NTM: variants seen among roughly 807,000 people sequenced by gnomAD.
NTM encodes the protein IgLON family member 2.
NTM carries 13 observed loss-of-function variants against 42.1 expected under a neutral mutation model. That is an observed-to-expected ratio of 0.31 (90% confidence interval 0.20 to 0.49). The LOEUF is 0.49. NTM is among the 20% of genes least tolerant of loss of function. NTM has a pLI of 0.99. For synonymous variants in NTM, 187 were observed against 179.2 expected (o/e 1.04, Z -0.35); for missense variants, 373 against 452.8 (o/e 0.82, Z 1.60).
At chr11:131,922,554 A>T (rs1278701597) in intron 2 of NTM, among the ~76,000 whole-genome samples, 1 of 152,126 alleles carries the variant, frequency 6.6e-6, no homozygotes, top group Non-Finnish European at 1.5e-5. Context: ...TGCTTCATCT[A>T]ATTCACCACT....
rs71870444 is a variant in NTM at position 132,268,657 on chromosome 11, CCTCTCTCT to C, written c.527-39025_527-39018del. Among the ~76,000 whole-genome samples, 675 of 134,906 alleles carry C rather than the reference CCTCTCTCT, an allele frequency of 5.0e-3. 5 individuals carry two copies. Among genetic ancestry groups the C allele is most frequent in the Middle Eastern group, 0.025 (7 of 280 alleles). The allele number at this position is 134,906 out of a possible 152,430, so 88.5% of individuals were successfully genotyped here. On this transcript the variant is annotated intron_variant, in intron 4 of 8. Coordinates refer to ENST00000683400, the MANE Select transcript of NTM (RefSeq NM_001352005.2). Reference sequence around the variant, plus strand: ...TATGTGTGTGTTTGTGGTGTGGGGTCCTCTCTCTCTCTCTGTGTGTGTGTGTGTGTGTG... The same window carrying C: ...TATGTGTGTGTTTGTGGTGTGGGGTCCTCTCTGTGTGTGTGTGTGTGTGTG...
chr11:131,492,637 G>T (rs1954921611), intron 1 of NTM, among the ~76,000 whole-genome samples: 1 of 152,148 alleles, frequency 6.6e-6, no homozygotes, highest in Non-Finnish European at 1.5e-5. Context: ...GGGAACAGAA[G>T]ATGGATTCAA....
At chr11:131,933,226 AG>A (rs914863278) in intron 2 of NTM, among the ~76,000 whole-genome samples, 2 of 152,200 alleles carry the variant, frequency 1.3e-5, no homozygotes, top group African/African-American at 4.8e-5. Context: ...TGGGACTGTC[AG>A]GGAGTGCGTG....
chr11:131,684,308 G>A lies in NTM; in HGVS notation c.83-227256G>A, dbSNP rs536192192. 2.6e-5 allele frequency among the ~76,000 whole-genome samples: 4 copies of A among 152,284 alleles called. No homozygotes were observed. The East Asian group carries it at 7.7e-4, about 30-fold the overall frequency. On this transcript the variant is annotated intron_variant, in intron 1 of 8. Transcript: ENST00000683400. ...ATCCAGGGAGGATCCTCCTGGCTGG[G>A]TGGCAAGTGACGTCTCTGAGATTAT...
chr11:131,794,982 G>A (rs1000547527), intron 1 of NTM: 1 of 985,230 alleles, frequency 1.0e-6, no homozygotes, highest in African/African-American at 1.7e-5. Flanking sequence ...TGGAGGGGCA[G>A]CCTTGGGCAG....
intron 2 of NTM, among the ~76,000 whole-genome samples, chr11:131,999,728 C>A (rs906210833): frequency 2.0e-4 from 31 of 152,260 alleles, no homozygotes; most frequent in African/African-American, 6.7e-4. Context: ...AGGTTACAGG[C>A]TATGTGAGAG....
chr11:132,000,592 C>G (rs2069012509), intron 2 of NTM, among the ~76,000 whole-genome samples: 1 of 152,108 alleles, frequency 6.6e-6, no homozygotes, highest in African/African-American at 2.4e-5. Flanking sequence ...GATTTTATCT[C>G]ACTCTGTTCT....
chr11:131,832,154 A>G (rs2042898492), intron 1 of NTM, among the ~76,000 whole-genome samples: 1 of 149,872 alleles, frequency 6.7e-6, no homozygotes, highest in South Asian at 2.1e-4. Context: ...AAAAGCAAGC[A>G]TAAACACTTG....
At chr11:131,665,197 G>T (rs112652188) in intron 1 of NTM, among the ~76,000 whole-genome samples, 1 of 152,188 alleles carries the variant, frequency 6.6e-6, no homozygotes, top group Non-Finnish European at 1.5e-5. Context: ...CATCTCTGGA[G>T]TGAGTTATCT....
intron 1 of NTM, among the ~76,000 whole-genome samples, chr11:131,676,843 A>C (rs1399383636): frequency 1.3e-5 from 2 of 152,276 alleles, no homozygotes; most frequent in African/African-American, 4.8e-5. Context: ...GACTTAGCCC[A>C]GATCCACTTC....
At chr11:131,527,057 C>CTG (rs2050593023) in intron 1 of NTM, among the ~76,000 whole-genome samples, 1 of 152,168 alleles carries the variant, frequency 6.6e-6, no homozygotes, top group Non-Finnish European at 1.5e-5. Flanking sequence ...GTCAGCCTGG[C>CTG]AACCTCTTAC....
Position 132,011,824 on chromosome 11 carries a change from G to T in NTM, c.167+100176G>T, listed in dbSNP as rs538976037. Among the ~76,000 whole-genome samples, 9 of 152,198 alleles carry T rather than the reference G, an allele frequency of 5.9e-5. No individual in the cohort carries two copies. The South Asian group carries it at 1.9e-3, about 32-fold the overall frequency. ...CATTTTCCTGCTTCTTGGAATCTGT[G>T]CATGCTCATTCCTAAGCTTGTAATA... On this transcript the variant is annotated intron_variant, in intron 2 of 8. Transcript: ENST00000683400.
intron 1 of NTM, among the ~76,000 whole-genome samples, chr11:131,450,420 C>T (rs902467025): frequency 3.3e-5 from 5 of 152,190 alleles, no homozygotes; most frequent in Non-Finnish European, 5.9e-5. Flanking sequence ...TCACTTCTCC[C>T]TGAGCCCATT....
intron 1 of NTM, among the ~76,000 whole-genome samples, chr11:131,499,814 G>A (rs1411447071): frequency 6.6e-6 from 1 of 152,172 alleles, no homozygotes; most frequent in Non-Finnish European, 1.5e-5. Flanking sequence ...GCGTCAATGC[G>A]CTCTGCATTT....
chr11:131,972,851 ACT>A (rs965595405), intron 2 of NTM, among the ~76,000 whole-genome samples: 1 of 152,214 alleles, frequency 6.6e-6, no homozygotes, highest in African/African-American at 2.4e-5. Flanking sequence ...ATTTTGGGCC[ACT>A]GTTGAGTGAA....
intron 1 of NTM, among the ~76,000 whole-genome samples, chr11:131,426,184 C>G (rs2135873048): frequency 1.3e-5 from 2 of 152,298 alleles, no homozygotes; most frequent in South Asian, 4.1e-4. Context: ...CTCAACCTTG[C>G]TGAAGACTCC....
chr11:132,107,339 C>CTTCT (rs1640202965), intron 2 of NTM, among the ~76,000 whole-genome samples: 9 of 88,866 alleles, frequency 1.0e-4, no homozygotes, highest in South Asian at 3.5e-4. Context: ...AAGATTTATC[C>CTTCT]TTTTTTTTTT....
intron 4 of NTM, among the ~76,000 whole-genome samples, chr11:132,228,090 A>G (rs1392829401): frequency 6.6e-6 from 1 of 152,202 alleles, no homozygotes; most frequent in Non-Finnish European, 1.5e-5. Context: ...TCTGGCCCAC[A>G]CACAAGAAGT....
intron 1 of NTM, chr11:131,503,056 T>G (rs1226366691): frequency 1.3e-5 from 2 of 152,518 alleles, no homozygotes; most frequent in Non-Finnish European, 2.9e-5. Flanking sequence ...GGAGAGGGAC[T>G]GCAGTCAGGG....
Sources: allele counts gnomAD v4.1 joint callset (sites outside exome capture counted in the v4.1 genomes callset), GRCh38; gene constraint gnomAD v4.1.1; transcripts MANE v1.5; gene names NCBI Gene and HGNC (gene_info 2026-07-23, HGNC 2026-07-21).